MAGI2: variants seen among roughly 807,000 people sequenced by gnomAD.
The protein encoded by MAGI2 is membrane associated guanylate kinase, WW and PDZ domain containing 2, also known as membrane-associated guanylate kinase, WW and PDZ domain-containing protein 2.
A neutral mutation model predicts 133.3 loss-of-function variants in MAGI2; 35 were observed. The observed-to-expected ratio is 0.26, with a 90% CI of 0.20 to 0.35. The LOEUF (loss-of-function observed/expected upper bound fraction) is 0.35, where lower values mean the gene tolerates loss of function less well. Ranked by LOEUF, MAGI2 falls within the 10% of genes least tolerant of loss-of-function variation. MAGI2 has a pLI of 1.00. For missense variants in MAGI2, 1,636 were observed against 1,863.4 expected (o/e 0.88, Z 2.25); for synonymous variants, 729 against 710.6 (o/e 1.03, Z -0.41).
chr7:78,042,465 G>C (rs1158780667), intron 21 of MAGI2, among the ~76,000 whole-genome samples: 2 of 152,150 alleles, frequency 1.3e-5, no homozygotes, highest in East Asian at 3.9e-4. Context: ...CTGATCAAGA[G>C]GGCGTGAACT....
chr7:78,134,976 T>A lies in MAGI2; in HGVS notation c.3031+45A>T, dbSNP rs201476067. ...AGGCTGAGAACACCCGGTGAGTGTG[T>A]CCATGTGTTGGCCGCCTCTCTGCAA... On this transcript the variant is annotated intron_variant, in intron 17 of 21. Transcript: ENST00000354212. The A allele has an allele frequency of 8.9e-5, 139 of 1,567,138 alleles. No homozygotes were observed. In the African/African-American group the frequency reaches 1.8e-3, roughly 20 times the overall value.
chr7:79,109,628 C>T (rs1818743365), intron 1 of MAGI2, among the ~76,000 whole-genome samples: 1 of 152,036 alleles, frequency 6.6e-6, no homozygotes. Context: ...TGCAGCCTGG[C>T]CATGTGACAG....
At position 78,019,640 on chromosome 7, in the gene MAGI2, C is replaced by G. The variant is rs1457441259; in HGVS notation, c.4043G>C (p.Arg1348Thr). ...GTCTGCCGCCGCGAGCCCGGGCGCC[C>G]TGGCCTCCGAGGCGGGCCTGCCGGC... The part of the protein sequence containing the change: ...PEAGRPASEA[R>T]APGLAAADAA... Residue 1348 changes from arginine to threonine, a missense_variant, in exon 22 of 22, where the codon AGG becomes ACG. Around this residue, in one of 5 missense-constraint regions of MAGI2, gnomAD observed 354 missense variants for 298.7 expected, o/e 1.19. Transcript: ENST00000354212. The G allele has an allele frequency of 2.8e-6, 3 of 1,075,032 alleles. No individual in the cohort carries two copies. The East Asian group carries it at 1.8e-4, about 65-fold the overall frequency. The allele number at this position is 1,075,032 out of a possible 1,614,324, so 66.6% of individuals were successfully genotyped here.
intron 1 of MAGI2, among the ~76,000 whole-genome samples, chr7:79,335,021 G>A (rs1840340569): frequency 6.6e-6 from 1 of 152,108 alleles, no homozygotes; most frequent in Non-Finnish European, 1.5e-5. Context: ...TCAAGCATAA[G>A]TGCTTTGGTT....
At chr7:79,186,868 T>G (rs1472050513) in intron 1 of MAGI2, among the ~76,000 whole-genome samples, 2 of 149,786 alleles carry the variant, frequency 1.3e-5, no homozygotes, top group Non-Finnish European at 3.0e-5. Flanking sequence ...ACCTGGATAT[T>G]CAGTTTATAT....
chr7:78,357,959 AAC>A (rs1440413420), intron 7 of MAGI2, among the ~76,000 whole-genome samples: 1 of 151,346 alleles, frequency 6.6e-6, no homozygotes, highest in African/African-American at 2.4e-5. Context: ...TCATCTGATA[AAC>A]ACTAGTAATA....
chr7:79,440,221 T>C (rs1219956043), intron 1 of MAGI2, among the ~76,000 whole-genome samples: 1 of 151,924 alleles, frequency 6.6e-6, no homozygotes, highest in African/African-American at 2.4e-5. Context: ...TATAAGTTAA[T>C]GGATTCTAGC....
intron 3 of MAGI2, among the ~76,000 whole-genome samples, chr7:78,553,454 C>T (rs571153546): frequency 2.0e-5 from 3 of 152,252 alleles, no homozygotes; most frequent in Admixed American, 6.5e-5. Context: ...CAGATAAATA[C>T]GTGATTTGAA....
chr7:78,653,775 T>TA (rs3085457), intron 2 of MAGI2, among the ~76,000 whole-genome samples: 648 of 142,894 alleles, frequency 4.5e-3, no homozygotes, highest in Non-Finnish European at 5.4e-3. Context: ...TGAAGTATGA[T>TA]AAAAAAAAAA....
intron 9 of MAGI2, among the ~76,000 whole-genome samples, chr7:78,307,665 A>T (rs1798352583): frequency 6.6e-6 from 1 of 152,180 alleles, no homozygotes; most frequent in African/African-American, 2.4e-5. Flanking sequence ...CATTTCAGAC[A>T]TAGGATTTGA....
intron 14 of MAGI2, among the ~76,000 whole-genome samples, chr7:78,169,595 T>G (rs1246968942): frequency 6.8e-6 from 1 of 147,610 alleles, no homozygotes; most frequent in Non-Finnish European, 1.5e-5. Context: ...ACAGACTTAG[T>G]CCATGGAATA....
chr7:78,081,460 G>A (rs1815960717), intron 20 of MAGI2, among the ~76,000 whole-genome samples: 2 of 152,288 alleles, frequency 1.3e-5, no homozygotes, highest in South Asian at 4.1e-4. Context: ...AAAGTACTAA[G>A]GGCACAGAAA....
At chr7:79,096,842 TG>T (rs1817562574) in intron 1 of MAGI2, among the ~76,000 whole-genome samples, 4 of 152,188 alleles carry the variant, frequency 2.6e-5, no homozygotes, top group South Asian at 4.1e-4. Flanking sequence ...TAGAATTCCC[TG>T]ACAGCCAGAA....
intron 2 of MAGI2, among the ~76,000 whole-genome samples, chr7:78,980,582 T>A (rs149849462): frequency 3.3e-5 from 5 of 151,864 alleles, no homozygotes; most frequent in African/African-American, 1.2e-4. Context: ...TGTAAATACC[T>A]AGTGTTTAAT....
chr7:78,584,840 G>A (rs1051253575), intron 3 of MAGI2, among the ~76,000 whole-genome samples: 14 of 152,242 alleles, frequency 9.2e-5, no homozygotes, highest in African/African-American at 3.4e-4. Flanking sequence ...TAATGGCTTA[G>A]CTGTTTAATG....
At chr7:79,429,844 A>G (rs1847656849) in intron 1 of MAGI2, among the ~76,000 whole-genome samples, 1 of 152,168 alleles carries the variant, frequency 6.6e-6, no homozygotes, top group African/African-American at 2.4e-5. Flanking sequence ...TCAGAAGTCT[A>G]CCAAATGATT....
chr7:79,157,097 T>C (rs1476226195), intron 1 of MAGI2, among the ~76,000 whole-genome samples: 2 of 152,140 alleles, frequency 1.3e-5, no homozygotes, highest in Non-Finnish European at 2.9e-5. Flanking sequence ...AAGGGTCTTC[T>C]CTGTTGCTTT....
intron 2 of MAGI2, among the ~76,000 whole-genome samples, chr7:78,869,495 T>C (rs931915877): frequency 3.3e-5 from 5 of 152,180 alleles, no homozygotes; most frequent in African/African-American, 1.2e-4. Context: ...TGTATTAGTA[T>C]GTTTTCACAC....
At chr7:78,121,172 C>G (rs6466036) in intron 20 of MAGI2, among the ~76,000 whole-genome samples, 1 of 149,996 alleles carries the variant, frequency 6.7e-6, no homozygotes, top group Non-Finnish European at 1.5e-5. Context: ...TAAGAGAAGA[C>G]GTTTAAGACC....
Sources: gnomAD v4.1 joint callset for allele counts (sites outside exome capture counted in the v4.1 genomes callset) on GRCh38, gnomAD v4.1.1 for gene constraint, gnomAD v4.1.1 regional missense constraint, MANE v1.5 for transcripts, NCBI Gene and HGNC (gene_info 2026-07-23, HGNC 2026-07-21) for gene names.